Variants in SLC2A5 observed in about 807,000 individuals in gnomAD.
The protein encoded by SLC2A5 is solute carrier family 2 member 5.
Under a neutral mutation model 50.3 loss-of-function variants are expected in SLC2A5, and 56 were observed. The observed-to-expected ratio is 1.11, with a 90% confidence interval of 0.90 to 1.39. The LOEUF (loss-of-function observed/expected upper bound fraction) is 1.39, where lower values mean the gene tolerates loss of function less well. Among genes scored for constraint, SLC2A5 ranks in the 40% most tolerant of loss-of-function variants. The pLI is 0.00. For synonymous variants in SLC2A5, 269 were observed against 281.9 expected (o/e 0.95, Z 0.46); for missense variants, 566 against 650.1 (o/e 0.87, Z 1.41).
upstream of SLC2A5, among the ~76,000 whole-genome samples, chr1:9,088,645 T>C (rs41280756): frequency 0.24 from 36,180 of 152,066 alleles, 4,699 homozygotes; most frequent in South Asian, 0.3. Context: ...TAGCCAGGCG[T>C]GGTGGCGGGT....
At position 9,039,643 on chromosome 1, in the gene SLC2A5, T is replaced by C; in HGVS notation, c.905A>G (p.Gln302Arg). Residue 302 changes from glutamine (Q) to arginine (R), a missense_variant, in exon 8 of 12, where the codon CAG (glutamine) becomes CGG (arginine). Transcript: ENST00000377424. ...CGGCACGCCGGCGCTCAGGTAGATC[T>C]GGTCCGCGTAGTAGTAGATCTGCAA... ...GVNAIYYYAD[Q>R]IYLSAGVPEE... The C allele has an allele frequency of 6.4e-7, 1 of 1,556,184 alleles. No individual in the cohort carries two copies. Among genetic ancestry groups the C allele is most frequent in the Non-Finnish European group, 8.7e-7 (1 of 1,150,992 alleles).
At chr1:9,092,733 T>C (rs1642472209), upstream of SLC2A5, among the ~76,000 whole-genome samples, 1 of 152,196 alleles carries the variant, frequency 6.6e-6, no homozygotes, top group Non-Finnish European at 1.5e-5. Context: ...TGCCTCTTTC[T>C]TTTCAATCTG....
At chr1:9,059,136 C>CTTTTTTTT (rs869052429) in intron 1 of SLC2A5, among the ~76,000 whole-genome samples, 31 of 53,916 alleles carry the variant, frequency 5.7e-4, no homozygotes, top group South Asian at 1.1e-3. Flanking sequence ...GCCTTTCTTT[C>CTTTTTTTT]TTTTTTTTTT....
chr1:9,091,356 C>T (rs1006285125), upstream of SLC2A5, among the ~76,000 whole-genome samples: 3 of 152,166 alleles, frequency 2.0e-5, no homozygotes, highest in Non-Finnish European at 2.9e-5. Flanking sequence ...TGGGAAACTC[C>T]CTCCAACCAG....
upstream of SLC2A5, among the ~76,000 whole-genome samples, chr1:9,091,967 C>T (rs1642466037): frequency 6.6e-6 from 1 of 152,136 alleles, no homozygotes; most frequent in Admixed American, 6.5e-5. Flanking sequence ...TCTAAATATG[C>T]CTATAACATT....
upstream of SLC2A5, among the ~76,000 whole-genome samples, chr1:9,074,184 G>A (rs570958432): frequency 6.6e-6 from 1 of 152,210 alleles, no homozygotes; most frequent in Admixed American, 6.5e-5. Flanking sequence ...GAGCGGAGGG[G>A]GGCAAGCATT....
intron 2 of SLC2A5, among the ~76,000 whole-genome samples, chr1:9,076,421 T>C (rs1642284756): frequency 6.6e-6 from 1 of 152,188 alleles, no homozygotes; most frequent in Non-Finnish European, 1.5e-5. Flanking sequence ...TAAAACCGCA[T>C]AGGATTCAAG....
rs1641110989 is a variant in SLC2A5 at position 9,035,161 on chromosome 1, A to C, written c.*2425T>G. On this transcript the variant is annotated 3_prime_UTR_variant, in exon 12 of 12. Transcript: ENST00000377424. ...ACATTTACTATTAGTGCCATTTAAC[A>C]GAAGAGAAGACTGAGATACAAAAAA... The C allele has an allele frequency of 6.6e-6, 1 of 152,258 alleles. No homozygotes were observed. Among genetic ancestry groups the C allele is most frequent in the Non-Finnish European group, 1.5e-5 (1 of 68,054 alleles). 9.4% of individuals were successfully genotyped at this position (152,258 alleles called of 1,614,324 possible). A position where few individuals can be genotyped will look rare whatever the true frequency, so the allele number is the denominator to read the frequency against.
At chr1:9,044,125 T>C (rs1341326373) in intron 4 of SLC2A5, among the ~76,000 whole-genome samples, 2 of 150,660 alleles carry the variant, frequency 1.3e-5, no homozygotes, top group Admixed American at 1.3e-4. Flanking sequence ...GGCCAGGAGT[T>C]CGAGACCAGC....
intron 10 of SLC2A5, 61 bp downstream of exon 10, chr1:9,038,370 G>T: frequency 7.9e-7 from 1 of 1,261,466 alleles, no homozygotes; most frequent in Non-Finnish European, 1.2e-6. Flanking sequence ...AGGAGCTCCA[G>T]CCCGGAGCTT....
Position 9,039,271 on chromosome 1 carries a change from C to T in SLC2A5, c.996+281G>A, listed in dbSNP as rs559043992. ...TGCTCCCATCCCGAGGTGGCCGAGC[C>T]TCACTCCGGGTAGCCCGGGCTCGGA... On this transcript the variant is annotated intron_variant, in intron 8 of 11. Transcript: ENST00000377424. Among the ~76,000 whole-genome samples the T allele has an allele frequency of 2.2e-4, 33 of 152,366 alleles. 1 individual carries two copies. The highest frequency in any genetic ancestry group is 2.1e-3 in the South Asian group (10 of 4,834).
At chr1:9,078,147 C>T (rs796352691) in intron 2 of SLC2A5, among the ~76,000 whole-genome samples, 59 of 152,206 alleles carry the variant, frequency 3.9e-4, no homozygotes, top group African/African-American at 1.4e-3. Flanking sequence ...GTTGCCATGG[C>T]ATTTGTAAAT....
chr1:9,083,710 A>G (rs141250683), intron 2 of SLC2A5, among the ~76,000 whole-genome samples: 1 of 152,208 alleles, frequency 6.6e-6, no homozygotes, highest in Admixed American at 6.5e-5. Context: ...CTGTAATCCC[A>G]GCTACTCGGG....
intron 4 of SLC2A5, among the ~76,000 whole-genome samples, chr1:9,042,545 G>T (rs1399133801): frequency 1.3e-5 from 2 of 149,602 alleles, no homozygotes; most frequent in Non-Finnish European, 3.0e-5. Flanking sequence ...GTGTGTGTGT[G>T]TGTATATATA....
Position 9,058,155 on chromosome 1 carries a change from T to G in SLC2A5, c.129A>C (p.Ala43=), listed in dbSNP as rs1487059792. 1 of 1,610,844 alleles carries G rather than the reference T, an allele frequency of 6.2e-7. No homozygotes were observed. Among genetic ancestry groups the G allele is most frequent in the Non-Finnish European group, 8.5e-7 (1 of 1,177,096 alleles). ...GYNVAAVNSP[A]LLMQQFYNET... ...CTTGCTCACCACAGTGACCTACCAG[T>G]GCTGGGGAGTTGACAGCAGCCACGT... The change falls in exon 2 of 12, where the codon GCA becomes GCC. Residue 43 remains alanine (A), a synonymous_variant. Coordinates refer to ENST00000377424, the MANE Select transcript of SLC2A5 (RefSeq NM_003039.3).
chr1:9,047,650 C>CTCAAATGA lies in SLC2A5; in HGVS notation c.370_377dup (p.Glu126AspfsTer28). 6.2e-7 allele frequency: 1 copy of CTCAAATGA among 1,614,016 alleles called. No homozygotes were observed. Among genetic ancestry groups the CTCAAATGA allele is most frequent in the Non-Finnish European group, 8.5e-7 (1 of 1,179,950 alleles). On this transcript the variant is annotated frameshift_variant, in exon 4 of 12. Transcript: ENST00000377424. LOFTEE classifies it high-confidence loss of function. ...CCAAAAGTCTGGAAATAATGATAAG[C>CTCAAATGA]TCAAATGATGTGGCGACTCTGCTGC...
intron 1 of SLC2A5, among the ~76,000 whole-genome samples, chr1:9,063,628 C>A (rs1295800442): frequency 1.3e-5 from 2 of 149,414 alleles, no homozygotes; most frequent in Non-Finnish European, 3.0e-5. Flanking sequence ...CTGCCTTGGG[C>A]TCCTAGAGTG....
At chr1:9,088,212 C>A (rs1396342838) in intron 1 of SLC2A5, among the ~76,000 whole-genome samples, 1 of 143,248 alleles carries the variant, frequency 7.0e-6, no homozygotes, top group Non-Finnish European at 1.5e-5. Context: ...CTCTGGAACC[C>A]CTCCTCTGAA....
At chr1:9,038,660 G>A (rs1641205997) in intron 9 of SLC2A5, among the ~76,000 whole-genome samples, 154 bp from the exon 10 acceptor site, 1 of 152,202 alleles carries the variant, frequency 6.6e-6, no homozygotes, top group Non-Finnish European at 1.5e-5. Flanking sequence ...GCTGAACGTG[G>A]GCTATGAGCT....
Sources: allele counts gnomAD v4.1 joint callset (sites outside exome capture counted in the v4.1 genomes callset), GRCh38; gene constraint gnomAD v4.1.1; transcripts MANE v1.5; gene names NCBI Gene and HGNC (gene_info 2026-07-23, HGNC 2026-07-21).